The following TENT4B variants were observed in gnomAD, a reference collection of about 807,000 sequenced individuals.
The protein encoded by TENT4B is PAP associated domain containing 5.
In TENT4B, 10 loss-of-function variants were observed where a neutral mutation model predicts 75.0. That is an observed-to-expected ratio of 0.13 (90% CI 0.08 to 0.23). The LOEUF (loss-of-function observed/expected upper bound fraction) is 0.23, where lower values mean the gene tolerates loss of function less well. TENT4B is among the 10% of genes least tolerant of loss of function. The pLI, the probability that TENT4B is intolerant of heterozygous loss-of-function variation, is 1.00. For synonymous variants in TENT4B, 350 were observed against 357.7 expected, an observed-to-expected ratio of 0.98 and a Z score of 0.24; for missense variants, 579 against 893.8, an observed-to-expected ratio of 0.65 and a Z score of 4.49.
At chr16:50,173,214 G>C (rs908536668) in intron 1 of TENT4B, among the ~76,000 whole-genome samples, 9 of 152,144 alleles carry the variant, frequency 5.9e-5, no homozygotes, top group African/African-American at 2.2e-4. Flanking sequence ...AAAGTGCTGG[G>C]ATTACAGGCG....
chr16:50,217,661 A>C lies in TENT4B; in HGVS notation c.1036A>C (p.Lys346Gln). The C allele has an allele frequency of 6.6e-7, 1 of 1,508,486 alleles. No homozygotes were observed. The highest frequency in any genetic ancestry group is 1.3e-5 in the South Asian group (1 of 77,906). 93.4% of individuals were successfully genotyped at this position (1,508,486 alleles called of 1,614,324 possible). A position where few individuals can be genotyped will look rare whatever the true frequency, so the allele number is the denominator to read the frequency against. ...RAADLIKDFTKKYPVLPYLVL... is the reference protein window; with the variant it reads ...RAADLIKDFTQKYPVLPYLVL... ...AGCTGACCTCATCAAAGATTTTACC[A>C]AGGTCAGAGAATTTAGCGTTTATAC... The change falls in exon 5 of 12, where the codon AAG becomes CAG. Residue 346 changes from lysine (K) to glutamine (Q), a missense_variant and splice_region_variant. Transcript: ENST00000561678.
intron 7 of TENT4B, among the ~76,000 whole-genome samples, chr16:50,224,451 G>C (rs547252746): frequency 6.6e-6 from 1 of 151,998 alleles, no homozygotes; most frequent in Non-Finnish European, 1.5e-5. Context: ...AATACATTCC[G>C]GCAACTGATA....
chr16:50,220,398 T>G (rs2031773169), intron 5 of TENT4B, among the ~76,000 whole-genome samples: 1 of 151,996 alleles, frequency 6.6e-6, no homozygotes, highest in African/African-American at 2.4e-5. Flanking sequence ...CAAGCTGTTC[T>G]TAAACTCCTG....
chr16:50,225,085 G>T lies in TENT4B; in HGVS notation c.1613-13G>T. On this transcript the variant is annotated splice_polypyrimidine_tract_variant and intron_variant, in intron 9 of 11. Coordinates refer to ENST00000561678, the MANE Select transcript of TENT4B (RefSeq NM_001365324.3). The stretch of plus-strand genomic sequence containing the variant: ...GGGAAGAAACGTTTTCCAATCTTTT[G>T]CCACTCTTTCAGGAAATGGTGTTAC... 6.2e-7 allele frequency: 1 copy of T among 1,609,296 alleles called. No homozygotes were observed. The highest frequency in any genetic ancestry group is 8.5e-7 in the Non-Finnish European group (1 of 1,176,916).
intron 1 of TENT4B, among the ~76,000 whole-genome samples, chr16:50,176,998 G>A (rs2038323731): frequency 6.6e-6 from 1 of 150,388 alleles, no homozygotes; most frequent in African/African-American, 2.5e-5. Flanking sequence ...GAGAATTGAG[G>A]TAATATCTAT....
intron 1 of TENT4B, among the ~76,000 whole-genome samples, chr16:50,196,333 G>A (rs553930790): frequency 5.1e-5 from 7 of 137,788 alleles, no homozygotes; most frequent in African/African-American, 1.3e-4. Flanking sequence ...GGTTAAGAGA[G>A]TTACCTAATT....
At chr16:50,216,226 C>G in intron 4 of TENT4B, 31 bp downstream of exon 4, 1 of 1,612,130 alleles carries the variant, frequency 6.2e-7, no homozygotes. Context: ...TATTAAAATC[C>G]TTAGTTATTT....
At chr16:50,206,891 T>TC (rs1333769925) in intron 1 of TENT4B, among the ~76,000 whole-genome samples, 1 of 135,412 alleles carries the variant, frequency 7.4e-6, no homozygotes, top group Non-Finnish European at 1.5e-5. Flanking sequence ...AGCAGATCTT[T>TC]CCTCAGAACA....
Position 50,212,941 on chromosome 16 carries a change from A to G in TENT4B, c.763-1280A>G, listed in dbSNP as rs367694313. On this transcript the variant is annotated intron_variant, in intron 2 of 11. Transcript: ENST00000561678. Reference sequence around the variant, plus strand: ...TTAGGTGGAGGTTGATTATCTATCTATCTCTTTCTCTCCAGCCAGCCAGGC... The same window carrying G: ...TTAGGTGGAGGTTGATTATCTATCTGTCTCTTTCTCTCCAGCCAGCCAGGC... Among the ~76,000 whole-genome samples the G allele has an allele frequency of 1.4e-4, 21 of 152,114 alleles. No homozygotes were observed. In the East Asian group the frequency reaches 3.1e-3, roughly 22 times the overall value.
intron 1 of TENT4B, among the ~76,000 whole-genome samples, chr16:50,187,753 G>A (rs902710609): frequency 3.3e-5 from 5 of 151,632 alleles, no homozygotes; most frequent in African/African-American, 9.7e-5. Flanking sequence ...GGCCTGGCAC[G>A]GTGGCTCATG....
intron 1 of TENT4B, among the ~76,000 whole-genome samples, chr16:50,162,109 A>G (rs1250635490): frequency 1.3e-5 from 2 of 152,162 alleles, no homozygotes; most frequent in Non-Finnish European, 2.9e-5. Flanking sequence ...GAGCCATCCA[A>G]ATTGCTGCAT....
At chr16:50,220,440 A>G (rs1320347361) in intron 5 of TENT4B, among the ~76,000 whole-genome samples, 1 of 151,248 alleles carries the variant, frequency 6.6e-6, no homozygotes, top group African/African-American at 2.4e-5. Context: ...TTGACCTCCC[A>G]AAGTGTTGGG....
chr16:50,210,445 G>C (rs1030629289), intron 1 of TENT4B, among the ~76,000 whole-genome samples: 4 of 152,186 alleles, frequency 2.6e-5, no homozygotes, highest in African/African-American at 7.2e-5. Flanking sequence ...GGGTATGTGT[G>C]TGTCTTTTGT....
chr16:50,174,672 C>T (rs757544496), intron 1 of TENT4B, among the ~76,000 whole-genome samples: 28 of 150,410 alleles, frequency 1.9e-4, no homozygotes, highest in Non-Finnish European at 3.1e-4. Flanking sequence ...AGAACTTATT[C>T]TTTCTACCTG....
In TENT4B at chr16:50,211,557, A is replaced by C. The variant is rs770711756; in HGVS notation, c.762+111A>C. On this transcript the variant is annotated intron_variant, in intron 2 of 11. Transcript: ENST00000561678. ...TCACATGCAAGTAGAAGTGCTCTGT[A>C]GAGTTGTGGTCTAATTAAATTTTAA... 730 of 1,240,356 alleles carry C rather than the reference A, an allele frequency of 5.9e-4. 8 individuals carry two copies. The highest frequency in any genetic ancestry group is 1.4e-4 in the Non-Finnish European group (131 of 958,886). The allele number at this position is 1,240,356 out of a possible 1,614,324, so 76.8% of individuals were successfully genotyped here.
Position 50,229,533 on chromosome 16 carries a change from A to G in TENT4B, c.*205A>G, listed in dbSNP as rs2032207973. 1 of 1,268,838 alleles carries G rather than the reference A, an allele frequency of 7.9e-7. No homozygotes were observed. 78.6% of individuals were successfully genotyped at this position (1,268,838 alleles called of 1,614,324 possible). A position where few individuals can be genotyped will look rare whatever the true frequency, so the allele number is the denominator to read the frequency against. On this transcript the variant is annotated 3_prime_UTR_variant, in exon 12 of 12. Coordinates refer to ENST00000561678, the MANE Select transcript of TENT4B (RefSeq NM_001365324.3). ...AAACAAAACAAAAAAAAAAGCAAGC[A>G]AAAAAGAGGGAAAAAAAAGGCTGCT...
chr16:50,153,367 C>CGGCGGAGG lies in TENT4B; in HGVS notation c.-237_-230dup, dbSNP rs1265287952. Among the ~76,000 whole-genome samples the CGGCGGAGG allele has an allele frequency of 7.4e-4, 50 of 67,498 alleles. No individual in the cohort carries two copies. The highest frequency in any genetic ancestry group is 1.1e-3 in the Non-Finnish European group (37 of 34,188). The allele number at this position is 67,498 out of a possible 152,430, so 44.3% of individuals were successfully genotyped here. On this transcript the variant is annotated 5_prime_UTR_variant, in exon 1 of 12. Coordinates refer to ENST00000561678, the MANE Select transcript of TENT4B (RefSeq NM_001365324.3). ...CACGGGGACCCCAGTGACAGGGGCT[C>CGGCGGAGG]GGCGGAGGGGCGGAGGGGCGGAGGG...
chr16:50,188,507 G>A (rs748118252), intron 1 of TENT4B, among the ~76,000 whole-genome samples: 1 of 152,186 alleles, frequency 6.6e-6, no homozygotes, highest in Admixed American at 6.5e-5. Context: ...GAAGCATCTC[G>A]ATGATCCAGA....
At position 50,153,501 on chromosome 16, in the gene TENT4B, A is replaced by AGCG. The variant is rs1444579820; in HGVS notation, c.-119_-118insGGC. 1.0e-4 allele frequency: 98 copies of AGCG among 973,000 alleles called. No homozygotes were observed. The highest frequency in any genetic ancestry group is 5.2e-4 in the South Asian group (11 of 21,050). 60.3% of individuals were successfully genotyped at this position (973,000 alleles called of 1,614,324 possible). The stretch of plus-strand genomic sequence containing the variant: ...GCGGCGGGCCCCGAGCAGCAGCAGC[A>AGCG]GCAGCAGCGGCAGCAGCGGCAGCAG... On this transcript the variant is annotated 5_prime_UTR_variant, in exon 1 of 12. Coordinates refer to ENST00000561678, the MANE Select transcript of TENT4B (RefSeq NM_001365324.3).
Sources: gnomAD v4.1 joint callset for allele counts (sites outside exome capture counted in the v4.1 genomes callset) on GRCh38, gnomAD v4.1.1 for gene constraint, MANE v1.5 for transcripts, NCBI Gene and HGNC (gene_info 2026-07-23, HGNC 2026-07-21) for gene names.